The following PDIA4 variants were observed in gnomAD, a reference collection of about 807,000 sequenced individuals.
PDIA4 encodes the protein protein disulfide isomerase family A member 4, also known as protein disulfide-isomerase A4.
Under a neutral mutation model 62.1 loss-of-function variants are expected in PDIA4, and 33 were observed. The observed-to-expected ratio is 0.53, with a 90% CI of 0.40 to 0.71. The LOEUF is 0.71. PDIA4 is among the 30% of genes least tolerant of loss of function. The pLI is 0.00. For missense variants in PDIA4, 804 were observed against 813.6 expected (o/e 0.99, Z 0.14); for synonymous variants, 341 against 324.1 (o/e 1.05, Z -0.56).
chr7:149,005,948 G>T lies in PDIA4; in HGVS notation c.1237C>A (p.Pro413Thr). The change falls in exon 8 of 10, where the codon CCC becomes ACC. Residue 413 changes from proline to threonine, a missense_variant. Transcript: ENST00000652332. The part of the protein sequence containing the change: ...SNDAKRYTRR[P>T]LVVVYYSVDF... The stretch of plus-strand genomic sequence containing the variant: ...ACACTGTAGTAGACGACCACCAGGG[G>T]GCGCCTGGTGTAGCGCTTAGCATCG... The T allele has an allele frequency of 6.5e-7, 1 of 1,531,214 alleles. No homozygotes were observed. 94.9% of individuals were successfully genotyped at this position (1,531,214 alleles called of 1,614,324 possible). A position where few individuals can be genotyped will look rare whatever the true frequency, so the allele number is the denominator to read the frequency against.
chr7:149,026,660 G>A (rs564909483), intron 1 of PDIA4, among the ~76,000 whole-genome samples: 4 of 151,968 alleles, frequency 2.6e-5, no homozygotes, highest in South Asian at 2.1e-4. Context: ...ACAGCCAGGC[G>A]TGTTGGCAAG....
At chr7:149,012,823 G>A (rs549515224) in intron 4 of PDIA4, among the ~76,000 whole-genome samples, 3 of 152,238 alleles carry the variant, frequency 2.0e-5, no homozygotes, top group Admixed American at 6.5e-5. Context: ...AGAGAGGGTC[G>A]GCAGGTCCAG....
intron 1 of PDIA4, among the ~76,000 whole-genome samples, chr7:149,027,053 A>G (rs991131427): frequency 3.9e-5 from 6 of 152,190 alleles, no homozygotes; most frequent in Non-Finnish European, 7.4e-5. Context: ...CTTTTCCGCT[A>G]TGTTCCAAAA....
chr7:149,011,824 A>G (rs370147870), intron 6 of PDIA4, 22 bp downstream of exon 6: 1 of 1,515,644 alleles, frequency 6.6e-7, no homozygotes, highest in Non-Finnish European at 8.8e-7. Context: ...CATTTTGTTC[A>G]GCCCAGAGGG....
intron 6 of PDIA4, among the ~76,000 whole-genome samples, 195 bp from the exon 7 acceptor site, chr7:149,008,505 C>A (rs1823838511): frequency 6.6e-6 from 1 of 151,724 alleles, no homozygotes; most frequent in Admixed American, 6.6e-5. Context: ...GAGTTTGAGA[C>A]CAGCCTGGCC....
chr7:149,004,965 A>G (rs1310839807), intron 9 of PDIA4, among the ~76,000 whole-genome samples, 176 bp downstream of exon 9: 1 of 152,172 alleles, frequency 6.6e-6, no homozygotes, highest in Non-Finnish European at 1.5e-5. Flanking sequence ...TTGGGGTCAC[A>G]CCCGACATTT....
rs112788858 is a variant in PDIA4, at chr7:149,019,032, C to T, written c.435G>A (p.Lys145=). The change falls in exon 3 of 10, where the codon AAG becomes AAA. Residue 145 remains lysine (K), a synonymous_variant. Coordinates refer to ENST00000652332, the MANE Select transcript of PDIA4 (RefSeq NM_004911.5). Reference sequence around the variant, plus strand: ...AGCCCTCGTAGTCTACAGCCTGCCCCTTCTTAAGGATCTTGATGGTGGGGT... The same window carrying T: ...AGCCCTCGTAGTCTACAGCCTGCCCTTTCTTAAGGATCTTGATGGTGGGGT... The part of the protein sequence containing the change: ...SGYPTIKILK[K]GQAVDYEGSR... 1,027 of 1,613,756 alleles carry T rather than the reference C, an allele frequency of 6.4e-4. 6 individuals carry two copies. The African/African-American group carries it at 0.012, about 20-fold the overall frequency.
chr7:149,023,234 G>A (rs1490053779), intron 1 of PDIA4, among the ~76,000 whole-genome samples: 1 of 152,182 alleles, frequency 6.6e-6, no homozygotes, highest in African/African-American at 2.4e-5. Context: ...GTGGAGCAGA[G>A]GGAAACCCAG....
At chr7:149,004,554 G>C (rs10085877) in intron 9 of PDIA4, among the ~76,000 whole-genome samples, 33,021 of 152,186 alleles carry the variant, frequency 0.22, 3,888 homozygotes, top group Middle Eastern at 0.32. Context: ...ACAGACATCG[G>C]AACAGCATGG....
At chr7:149,027,470 G>T (rs1315510429) in intron 1 of PDIA4, among the ~76,000 whole-genome samples, 2 of 152,310 alleles carry the variant, frequency 1.3e-5, no homozygotes, top group African/African-American at 4.8e-5. Flanking sequence ...AACAAACTCA[G>T]AAGGTTAAAA....
rs1824251425 is a variant in PDIA4 at position 149,019,096 on chromosome 7, G to A, written c.371C>T (p.Ser124Leu). ...PIPVAKIDAT[S>L]ASVLASRFDV... ...AAACCTGCTGGCCAGCACAGACGCTGAGGTTGCATCGATCTTGGCAACAGG... is the reference window on the plus strand; with the variant it reads ...AAACCTGCTGGCCAGCACAGACGCTAAGGTTGCATCGATCTTGGCAACAGG... Residue 124 changes from serine to leucine, a missense_variant, in exon 3 of 10, where the codon TCA (serine) becomes TTA (leucine). Ser to Leu is a moderately radical substitution (Grantham distance 145). Transcript: ENST00000652332. 1.9e-6 allele frequency: 3 copies of A among 1,613,674 alleles called. No homozygotes were observed. In the East Asian group the frequency reaches 6.7e-5, roughly 36 times the overall value.
intron 2 of PDIA4, among the ~76,000 whole-genome samples, chr7:149,019,683 C>T (rs184022185): frequency 6.6e-6 from 1 of 152,094 alleles, no homozygotes. Context: ...TGGTGGCAGG[C>T]GCCTGTAATC....
Position 149,019,107 on chromosome 7 carries a change from G to C in PDIA4, c.360C>G (p.Ile120Met), listed in dbSNP as rs555407874. Residue 120 changes from isoleucine (I) to methionine (M), a missense_variant, in exon 3 of 10, where the codon ATC (isoleucine) becomes ATG (methionine). By Grantham distance (10) the Ile-to-Met change is conservative. Transcript: ENST00000652332. ...CCAGCACAGACGCTGAGGTTGCATCGATCTTGGCAACAGGAATGGGAGGAT... is the reference window on the plus strand; with the variant it reads ...CCAGCACAGACGCTGAGGTTGCATCCATCTTGGCAACAGGAATGGGAGGAT... ...DKDPPIPVAK[I>M]DATSASVLAS... The C allele has an allele frequency of 6.2e-7, 1 of 1,613,688 alleles. No individual in the cohort carries two copies. Among genetic ancestry groups the C allele is most frequent in the African/African-American group, 1.3e-5 (1 of 74,938 alleles).
chr7:149,017,194 T>C (rs1318443211), intron 3 of PDIA4, among the ~76,000 whole-genome samples: 5 of 151,772 alleles, frequency 3.3e-5, no homozygotes, highest in Admixed American at 2.6e-4. Context: ...GAATGGAAAA[T>C]GCAGCCGCAT....
At chr7:149,008,429 G>C in intron 6 of PDIA4, 119 bp from the exon 7 acceptor site, 1 of 998,724 alleles carries the variant, frequency 1.0e-6, no homozygotes, top group Non-Finnish European at 1.5e-6. Flanking sequence ...GGCTGGGCGC[G>C]GTGGCTCACG....
In PDIA4 at chr7:149,003,957, C is replaced by T. The variant is rs1823643145; in HGVS notation, c.1775G>A (p.Ser592Asn). 6.2e-7 allele frequency: 1 copy of T among 1,613,376 alleles called. No individual in the cohort carries two copies. Among genetic ancestry groups the T allele is most frequent in the Non-Finnish European group, 8.5e-7 (1 of 1,179,446 alleles). Residue 592 changes from serine (S) to asparagine (N), a missense_variant, in exon 10 of 10, where the codon AGC (serine) becomes AAC (asparagine). Physicochemically the swap from Ser to Asn is conservative, Grantham distance 46. Transcript: ENST00000652332. ...KMDATANDVP[S>N]DRYKVEGFPT... is the part of the protein sequence containing the mutation. The stretch of plus-strand genomic sequence containing the variant: ...GAAGCCCTCCACCTTATAGCGGTCG[C>T]TGGGGACGTCGTTGGCAGTGGCGTC...
intron 3 of PDIA4, among the ~76,000 whole-genome samples, chr7:149,015,575 G>A (rs983799122): frequency 3.3e-5 from 5 of 151,590 alleles, no homozygotes; most frequent in Admixed American, 6.6e-5. Context: ...TACCTGAGAA[G>A]GCTTTTAAAA....
At chr7:149,014,778 A>G in intron 4 of PDIA4, 126 bp downstream of exon 4, 2 of 828,974 alleles carry the variant, frequency 2.4e-6, no homozygotes, top group Non-Finnish European at 3.9e-6. Context: ...TGGAGCCTCA[A>G]TCCTGGCCTA....
At chr7:149,010,044 G>C (rs718411) in intron 6 of PDIA4, among the ~76,000 whole-genome samples, 62,314 of 152,048 alleles carry the variant, frequency 0.41, 15,741 homozygotes, top group East Asian at 0.61. Context: ...GCAGGGGATG[G>C]GGGGGCAGCC....
Sources: gnomAD v4.1 joint callset for allele counts (sites outside exome capture counted in the v4.1 genomes callset) on GRCh38, gnomAD v4.1.1 for gene constraint, MANE v1.5 for transcripts, NCBI Gene and HGNC (gene_info 2026-07-23, HGNC 2026-07-21) for gene names.